Variants in GRIN2B observed in about 807,000 individuals in gnomAD.
The protein encoded by GRIN2B is glutamate receptor ionotropic, NMDA 2B.
Under a neutral mutation model 114.5 loss-of-function variants are expected in GRIN2B, and 5 were observed. The ratio of observed to expected loss-of-function variants is 0.04; its 90% CI spans 0.02 to 0.09. The LOEUF (loss-of-function observed/expected upper bound fraction) is 0.09, where lower values mean the gene tolerates loss of function less well. Among genes scored for constraint, GRIN2B ranks in the 10% least tolerant of loss-of-function variants. The pLI, the probability that GRIN2B is intolerant of heterozygous loss-of-function variation, is 1.00. For missense variants in GRIN2B, 1,108 were observed against 1,943.5 expected (o/e 0.57, Z 8.08); for synonymous variants, 787 against 745.1 (o/e 1.06, Z -0.92).
chr12:13,778,504 T>C (rs1591725484), intron 3 of GRIN2B, among the ~76,000 whole-genome samples: 1 of 152,130 alleles, frequency 6.6e-6, no homozygotes, highest in Admixed American at 6.5e-5. Flanking sequence ...TTCTGCCAGG[T>C]ATTTGCCCTT....
Position 13,836,713 on chromosome 12 carries a change from C to T in GRIN2B, c.411+29085G>A, listed in dbSNP as rs1005128120. Among the ~76,000 whole-genome samples, 5 of 152,264 alleles carry T rather than the reference C, an allele frequency of 3.3e-5. No homozygotes were observed. The East Asian group carries it at 7.7e-4, about 24-fold the overall frequency. Reference sequence around the variant, plus strand: ...CCTGTTTGCCTGCTCTGCCTTTCCCCTTTTCTCTTCTGTTGGGACCTGGAG... The same window carrying T: ...CCTGTTTGCCTGCTCTGCCTTTCCCTTTTTCTCTTCTGTTGGGACCTGGAG... On this transcript the variant is annotated intron_variant, in intron 3 of 13. Transcript: ENST00000609686.
At position 13,615,998 on chromosome 12, in the gene GRIN2B, A is replaced by T. The variant is rs1591643215; in HGVS notation, c.1329-334T>A. On this transcript the variant is annotated intron_variant, in intron 6 of 13. Coordinates refer to ENST00000609686, the MANE Select transcript of GRIN2B (RefSeq NM_000834.5). The surrounding 1 kb of genome is among the most constrained non-coding windows in gnomAD (Gnocchi z 5.8). Reference sequence around the variant, plus strand: ...ATCAGCACCCGGATCCAGATACAGAAAAGTTACCAGTACCAGAGAGGCCTC... The same window carrying T: ...ATCAGCACCCGGATCCAGATACAGATAAGTTACCAGTACCAGAGAGGCCTC... Among the ~76,000 whole-genome samples, 1 of 152,208 alleles carries T rather than the reference A, an allele frequency of 6.6e-6. No individual in the cohort carries two copies. Among genetic ancestry groups the T allele is most frequent in the Admixed American group, 6.5e-5 (1 of 15,284 alleles).
In GRIN2B at chr12:13,637,503, C is replaced by T. The variant is rs539582601; in HGVS notation, c.1126-20846G>A. On this transcript the variant is annotated intron_variant, in intron 5 of 13. Transcript: ENST00000609686. Reference sequence around the variant, plus strand: ...CAGTTGTCTTCTTAAGTGAGATATTCCATCACCAGTAAAGGTTTTGGCACC... The same window carrying T: ...CAGTTGTCTTCTTAAGTGAGATATTTCATCACCAGTAAAGGTTTTGGCACC... Among the ~76,000 whole-genome samples, 10 of 152,188 alleles carry T rather than the reference C, an allele frequency of 6.6e-5. No individual in the cohort carries two copies. The South Asian group carries it at 1.0e-3, about 16-fold the overall frequency.
chr12:13,943,679 C>A (rs1275770398), intron 2 of GRIN2B, among the ~76,000 whole-genome samples: 1 of 152,180 alleles, frequency 6.6e-6, no homozygotes, highest in Non-Finnish European at 1.5e-5. Flanking sequence ...TCCCAAAGAA[C>A]TACATTCCTA....
At chr12:13,801,567 A>C (rs2136674883) in intron 3 of GRIN2B, among the ~76,000 whole-genome samples, 1 of 152,302 alleles carries the variant, frequency 6.6e-6, no homozygotes, top group South Asian at 2.1e-4. Context: ...TCTTGGCCAA[A>C]CAAAAATGAC....
chr12:13,881,986 A>C (rs555450354), intron 2 of GRIN2B, among the ~76,000 whole-genome samples: 1 of 152,260 alleles, frequency 6.6e-6, no homozygotes, highest in South Asian at 2.1e-4. Context: ...CTACACCTTA[A>C]AATTTACTCA....
intron 3 of GRIN2B, among the ~76,000 whole-genome samples, chr12:13,813,026 G>A (rs921754294): frequency 1.5e-4 from 21 of 141,820 alleles, no homozygotes; most frequent in Non-Finnish European, 2.7e-4. Context: ...TACAACCTCC[G>A]CCTCCCGGGT....
intron 4 of GRIN2B, among the ~76,000 whole-genome samples, chr12:13,745,274 C>G (rs988487378): frequency 1.3e-5 from 2 of 152,200 alleles, no homozygotes; most frequent in South Asian, 2.1e-4. Flanking sequence ...TCCTTACCCC[C>G]ACCCAGGCAG....
At chr12:13,701,085 A>G (rs1047508027) in intron 4 of GRIN2B, among the ~76,000 whole-genome samples, 1 of 152,202 alleles carries the variant, frequency 6.6e-6, no homozygotes, top group Non-Finnish European at 1.5e-5. Flanking sequence ...GAAGAAGTGC[A>G]CACAGGAAGA....
At chr12:13,713,615 C>T (rs946934963) in intron 4 of GRIN2B, among the ~76,000 whole-genome samples, 1 of 151,902 alleles carries the variant, frequency 6.6e-6, no homozygotes, top group African/African-American at 2.4e-5. Context: ...ACCAATACGT[C>T]ATTCCACATG....
chr12:13,604,965 G>A (rs557314365), intron 10 of GRIN2B, among the ~76,000 whole-genome samples: 2 of 150,892 alleles, frequency 1.3e-5, no homozygotes, highest in African/African-American at 2.5e-5. Context: ...AGCTGTTAAG[G>A]GGCACTTGCT....
intron 3 of GRIN2B, among the ~76,000 whole-genome samples, chr12:13,762,291 C>G (rs1328800467): frequency 6.6e-6 from 1 of 152,206 alleles, no homozygotes; most frequent in Non-Finnish European, 1.5e-5. Context: ...GCATAAGCCA[C>G]CGCGCCCAGC....
chr12:13,864,605 A>G (rs1193616650), intron 3 of GRIN2B, among the ~76,000 whole-genome samples: 1 of 152,236 alleles, frequency 6.6e-6, no homozygotes, highest in Non-Finnish European at 1.5e-5. Flanking sequence ...TAAGTAATGA[A>G]CAATAATCAG....
chr12:13,978,397 A>G lies in GRIN2B; in HGVS notation c.-19+1531T>C, dbSNP rs1323441120. Reference sequence around the variant, plus strand: ...TCACTCTGATTACACCATGGTTACAAAGTAGCATTTCAGCAGTAAAACTCA... The same window carrying G: ...TCACTCTGATTACACCATGGTTACAGAGTAGCATTTCAGCAGTAAAACTCA... On this transcript the variant is annotated intron_variant, in intron 2 of 13. Transcript: ENST00000609686. Among the ~76,000 whole-genome samples, 5 of 152,186 alleles carry G rather than the reference A, an allele frequency of 3.3e-5. No individual in the cohort carries two copies. In the East Asian group the frequency reaches 9.7e-4, roughly 29 times the overall value.
intron 10 of GRIN2B, among the ~76,000 whole-genome samples, chr12:13,573,171 G>A (rs915838124): frequency 3.3e-5 from 5 of 149,446 alleles, no homozygotes; most frequent in Non-Finnish European, 6.0e-5. Flanking sequence ...GTGCTTGGCG[G>A]TCGGGCACGG....
At chr12:13,750,691 T>C (rs1026391086) in intron 4 of GRIN2B, among the ~76,000 whole-genome samples, 5 of 152,176 alleles carry the variant, frequency 3.3e-5, no homozygotes, top group Non-Finnish European at 7.3e-5. Flanking sequence ...AAGGGAATCT[T>C]TATTATCTTG....
chr12:13,768,524 A>G (rs1253962336), intron 3 of GRIN2B, among the ~76,000 whole-genome samples: 1 of 152,212 alleles, frequency 6.6e-6, no homozygotes, highest in Non-Finnish European at 1.5e-5. Flanking sequence ...TGCAAGTGGA[A>G]AGCAAAGAAC....
intron 5 of GRIN2B, among the ~76,000 whole-genome samples, chr12:13,659,840 C>G (rs1949903242): frequency 6.6e-6 from 1 of 152,164 alleles, no homozygotes; most frequent in African/African-American, 2.4e-5. Flanking sequence ...TTTGTCTTAT[C>G]ATTTATTAGT....
intron 2 of GRIN2B, among the ~76,000 whole-genome samples, chr12:13,921,206 G>T (rs1866817252): frequency 6.6e-6 from 1 of 152,110 alleles, no homozygotes; most frequent in Non-Finnish European, 1.5e-5. Flanking sequence ...AGATCAGCCT[G>T]GCCAATATGG....
Sources: gnomAD v4.1 joint callset for allele counts (sites outside exome capture counted in the v4.1 genomes callset) on GRCh38, gnomAD v4.1.1 for gene constraint, Gnocchi (gnomAD v3.1) non-coding constraint, MANE v1.5 for transcripts, NCBI Gene and HGNC (gene_info 2026-07-23, HGNC 2026-07-21) for gene names.